The following MCTP2 variants were observed in gnomAD, a reference collection of about 807,000 sequenced individuals.
The protein encoded by MCTP2 is multiple C2 and transmembrane domain containing 2.
Under a neutral mutation model 111.6 loss-of-function variants are expected in MCTP2, and 132 were observed. The observed-to-expected ratio is 1.18, with a 90% CI of 1.03 to 1.37. MCTP2 has a LOEUF of 1.37. Among genes scored for constraint, MCTP2 ranks in the 40% most tolerant of loss-of-function variants. The pLI, the probability that MCTP2 is intolerant of heterozygous loss-of-function variation, is 0.00. For missense variants in MCTP2, 1,183 were observed against 1,067.9 expected (o/e 1.11, Z -1.50); for synonymous variants, 395 against 387.7 (o/e 1.02, Z -0.22).
chr15:94,431,881 T>C (rs917888628), intron 17 of MCTP2, among the ~76,000 whole-genome samples: 14 of 152,200 alleles, frequency 9.2e-5, no homozygotes, highest in African/African-American at 2.7e-4. Context: ...TTATCTTTAT[T>C]ATGACAAATG....
intron 14 of MCTP2, among the ~76,000 whole-genome samples, chr15:94,390,089 T>TATATATATATATATACAC (rs1567602819): frequency 7.3e-5 from 1 of 13,606 alleles, no homozygotes; most frequent in African/African-American, 1.5e-4. Flanking sequence ...TATATATATA[T>TATATATATATATATACAC]GTATATATAT....
intron 8 of MCTP2, among the ~76,000 whole-genome samples, chr15:94,346,907 T>A (rs1328125699): frequency 1.1e-5 from 1 of 93,590 alleles, no homozygotes; most frequent in African/African-American, 3.8e-5. Context: ...GCTGTTTGTC[T>A]TTTTTTTGCT....
chr15:94,435,249 A>G (rs1309221300), intron 17 of MCTP2, among the ~76,000 whole-genome samples: 3 of 152,166 alleles, frequency 2.0e-5, no homozygotes, highest in Non-Finnish European at 4.4e-5. Flanking sequence ...TTTGTGAATA[A>G]CTGCCACCTT....
intron 18 of MCTP2, 64 bp from the exon 19 acceptor site, chr15:94,442,855 G>A: frequency 7.3e-7 from 1 of 1,372,672 alleles, no homozygotes. Context: ...AAATGTGTCT[G>A]AGTTTAATTT....
At chr15:94,340,108 G>GA (rs1430795338) in intron 5 of MCTP2, 91 bp from the exon 6 acceptor site, 10 of 864,172 alleles carry the variant, frequency 1.2e-5, no homozygotes, top group Admixed American at 6.3e-5. Context: ...ACTGATTTCA[G>GA]AATTTCCAAC....
chr15:94,276,131 A>C (rs959514778), intron 1 of MCTP2, among the ~76,000 whole-genome samples: 1 of 152,146 alleles, frequency 6.6e-6, no homozygotes, highest in African/African-American at 2.4e-5. Context: ...GGTGTGAGCC[A>C]CCGTGCCTGG....
At chr15:94,364,931 G>T (rs530186071) in intron 10 of MCTP2, among the ~76,000 whole-genome samples, 1 of 152,066 alleles carries the variant, frequency 6.6e-6, no homozygotes, top group Non-Finnish European at 1.5e-5. Context: ...CATTTTTTCT[G>T]TCTCCCGTCT....
chr15:94,434,164 C>T (rs1451244541), intron 17 of MCTP2, among the ~76,000 whole-genome samples: 1 of 151,690 alleles, frequency 6.6e-6, no homozygotes, highest in Non-Finnish European at 1.5e-5. Flanking sequence ...TACAGTGGTG[C>T]AGTCATGGGT....
chr15:94,243,179 GTACGTATGCGTATATACGTATGCGTATA>G (rs1000458539), intron 1 of MCTP2, among the ~76,000 whole-genome samples: 1 of 147,654 alleles, frequency 6.8e-6, no homozygotes, highest in African/African-American at 2.5e-5. Context: ...ACGTACGTAT[GTACGTATGCGTATATACGTATGCGTATA>G]TACGTATATA....
intron 1 of MCTP2, among the ~76,000 whole-genome samples, chr15:94,268,056 G>A (rs2073670446): frequency 6.6e-6 from 1 of 150,428 alleles, no homozygotes; most frequent in South Asian, 2.1e-4. Flanking sequence ...CAGTAGAGAT[G>A]AGGTTTTCAC....
chr15:94,357,272 A>T (rs371299109), intron 9 of MCTP2, among the ~76,000 whole-genome samples: 1 of 152,196 alleles, frequency 6.6e-6, no homozygotes, highest in Non-Finnish European at 1.5e-5. Flanking sequence ...AAAATGTGAA[A>T]ATTGAGGGTG....
At chr15:94,468,778 G>A (rs1035526324) in intron 20 of MCTP2, among the ~76,000 whole-genome samples, 15 of 152,112 alleles carry the variant, frequency 9.9e-5, no homozygotes, top group East Asian at 3.9e-4. Flanking sequence ...ACAGGTGCAC[G>A]CCACCACACC....
At chr15:94,291,751 G>T (rs1187092175) in intron 1 of MCTP2, among the ~76,000 whole-genome samples, 1 of 152,146 alleles carries the variant, frequency 6.6e-6, no homozygotes, top group Non-Finnish European at 1.5e-5. Flanking sequence ...CTAATATGTA[G>T]CCTTAAACCT....
chr15:94,243,593 A>ATATG (rs374275191), intron 1 of MCTP2, among the ~76,000 whole-genome samples: 2 of 150,120 alleles, frequency 1.3e-5, no homozygotes, highest in African/African-American at 4.9e-5. Context: ...GTATATTTGT[A>ATATG]TATGTATGTA....
rs72751353 is a variant in MCTP2 at position 94,469,581 on chromosome 15, C to T, written c.2361-752C>T. 9.4e-3 allele frequency among the ~76,000 whole-genome samples: 1,431 copies of T among 152,192 alleles called. 5 individuals are homozygous for T. Among genetic ancestry groups the T allele is most frequent in the Non-Finnish European group, 0.016 (1,090 of 67,994 alleles). On this transcript the variant is annotated intron_variant, in intron 20 of 22. Transcript: ENST00000357742. ...ACCACCAATGCCATGTAATACAGTCCTCCCCATGGGGCACAGTGGCTCACA... is the reference window on the plus strand; with the variant it reads ...ACCACCAATGCCATGTAATACAGTCTTCCCCATGGGGCACAGTGGCTCACA...
At chr15:94,274,170 A>C (rs2074060832) in intron 1 of MCTP2, among the ~76,000 whole-genome samples, 1 of 150,416 alleles carries the variant, frequency 6.6e-6, no homozygotes, top group South Asian at 2.1e-4. Context: ...ATGAGTGAAA[A>C]TGGGAAATGC....
intron 17 of MCTP2, among the ~76,000 whole-genome samples, chr15:94,424,561 T>G (rs2082787096): frequency 6.6e-6 from 1 of 152,174 alleles, no homozygotes. Context: ...CAGGCTCAAG[T>G]TTGAGATCTA....
At chr15:94,449,376 A>G (rs1383960236) in intron 19 of MCTP2, among the ~76,000 whole-genome samples, 3 of 152,250 alleles carry the variant, frequency 2.0e-5, no homozygotes, top group Non-Finnish European at 4.4e-5. Flanking sequence ...CTTCCGTAAC[A>G]TATATGAGAT....
chr15:94,423,786 G>A (rs2082738218), intron 17 of MCTP2, among the ~76,000 whole-genome samples: 1 of 152,206 alleles, frequency 6.6e-6, no homozygotes, highest in African/African-American at 2.4e-5. Context: ...ATCACACTCA[G>A]TGTTTCCAGT....
Sources: allele counts gnomAD v4.1 joint callset (sites outside exome capture counted in the v4.1 genomes callset), GRCh38; gene constraint gnomAD v4.1.1; transcripts MANE v1.5; gene names NCBI Gene and HGNC (gene_info 2026-07-23, HGNC 2026-07-21).